Variants in RBMS1 observed in about 807,000 individuals in gnomAD.
RBMS1 encodes RNA binding motif single stranded interacting protein 1.
RBMS1 carries 17 observed loss-of-function variants against 62.3 expected under a neutral mutation model. That is an observed-to-expected ratio of 0.27 (90% CI 0.19 to 0.41). RBMS1 has a LOEUF of 0.41. Among genes scored for constraint, RBMS1 ranks in the 10% least tolerant of loss-of-function variants. The pLI is 1.00. For synonymous variants in RBMS1, 172 were observed against 170.0 expected (o/e 1.01, Z -0.09); for missense variants, 334 against 504.5 (o/e 0.66, Z 3.24).
intron 1 of RBMS1, chr2:160,407,926 G>C (rs1217016080): frequency 1.0e-6 from 1 of 980,108 alleles, no homozygotes; most frequent in Non-Finnish European, 1.2e-6. Flanking sequence ...GCCGGGGGCG[G>C]GGAGGCGGCA....
chr2:160,412,616 A>G (rs1696078416), intron 1 of RBMS1, among the ~76,000 whole-genome samples: 1 of 152,248 alleles, frequency 6.6e-6, no homozygotes, highest in Non-Finnish European at 1.5e-5. Context: ...GCTGTACACT[A>G]ATAATGCAAG....
rs111811786 is a variant in RBMS1 at position 160,313,299 on chromosome 2, A to G, written c.311-52T>C. 11 of 1,515,228 alleles carry G rather than the reference A, an allele frequency of 7.3e-6. No individual in the cohort carries two copies. The African/African-American group carries it at 1.1e-4, about 16-fold the overall frequency. 93.9% of individuals were successfully genotyped at this position (1,515,228 alleles called of 1,614,324 possible). ...TTAAGCCATTATTCTGTGGTTAGGTAAAAGGGTAAAAGAACAGCTCTACTT... is the reference window on the plus strand; with the variant it reads ...TTAAGCCATTATTCTGTGGTTAGGTGAAAGGGTAAAAGAACAGCTCTACTT... On this transcript the variant is annotated intron_variant, in intron 3 of 13. Coordinates refer to ENST00000348849, the MANE Select transcript of RBMS1 (RefSeq NM_016836.4).
chr2:160,363,676 C>T (rs1203894855), intron 2 of RBMS1, among the ~76,000 whole-genome samples: 1 of 152,048 alleles, frequency 6.6e-6, no homozygotes, highest in African/African-American at 2.4e-5. Context: ...CCTAAAGCTT[C>T]ATGTTTAAGA....
At chr2:160,345,998 C>T (rs143281680) in intron 2 of RBMS1, among the ~76,000 whole-genome samples, 104 of 152,164 alleles carry the variant, frequency 6.8e-4, no homozygotes, top group Middle Eastern at 3.4e-3. Context: ...TCCCAGAACC[C>T]GGCATAGTAG....
chr2:160,317,443 C>T (rs1302066424), intron 3 of RBMS1, among the ~76,000 whole-genome samples: 2 of 152,086 alleles, frequency 1.3e-5, no homozygotes, highest in Non-Finnish European at 2.9e-5. Flanking sequence ...AATCACATGC[C>T]TATTGTTAAG....
intron 1 of RBMS1, among the ~76,000 whole-genome samples, chr2:160,415,697 G>A (rs1332623092): frequency 6.6e-6 from 1 of 152,166 alleles, no homozygotes; most frequent in East Asian, 1.9e-4. Context: ...TAGGGAGAGG[G>A]TGCATAACCA....
rs556105888 is a variant in RBMS1 at position 160,357,236 on chromosome 2, G to A, written c.251+9980C>T. ...GGTGATTTTTAAAAAAATTCTTATG[G>A]TTATGATAATTATTTCCAGTGCCGG... On this transcript the variant is annotated intron_variant, in intron 2 of 13. Coordinates refer to ENST00000348849, the MANE Select transcript of RBMS1 (RefSeq NM_016836.4). Among the ~76,000 whole-genome samples, 5 of 152,080 alleles carry A rather than the reference G, an allele frequency of 3.3e-5. No individual in the cohort carries two copies. In the East Asian group the frequency reaches 7.7e-4, roughly 24 times the overall value.
chr2:160,419,446 G>C (rs1475077131), intron 1 of RBMS1, among the ~76,000 whole-genome samples: 3 of 152,088 alleles, frequency 2.0e-5, no homozygotes, highest in Non-Finnish European at 4.4e-5. Flanking sequence ...TTAGTCCCAT[G>C]TCTACTCCTA....
chr2:160,480,494 T>G (rs929127201), intron 1 of RBMS1, among the ~76,000 whole-genome samples: 1 of 152,180 alleles, frequency 6.6e-6, no homozygotes, highest in Non-Finnish European at 1.5e-5. Context: ...TTGGATGTAT[T>G]TAAGAAACAA....
intron 2 of RBMS1, among the ~76,000 whole-genome samples, chr2:160,344,786 T>C (rs1692084896): frequency 6.6e-6 from 1 of 152,126 alleles, no homozygotes; most frequent in Non-Finnish European, 1.5e-5. Context: ...GCTCTGCTGG[T>C]TGGGCTTCAT....
chr2:160,321,265 C>T (rs1405268509), intron 2 of RBMS1, among the ~76,000 whole-genome samples: 1 of 151,570 alleles, frequency 6.6e-6, no homozygotes, highest in Non-Finnish European at 1.5e-5. Flanking sequence ...GTGCACCTCC[C>T]TTCTCTGTGG....
At chr2:160,310,299 C>T (rs183615653) in intron 4 of RBMS1, among the ~76,000 whole-genome samples, 13 of 152,286 alleles carry the variant, frequency 8.5e-5, no homozygotes, top group African/African-American at 2.4e-4. Flanking sequence ...CCAAATAATA[C>T]GGTTGTCAGC....
In RBMS1 at chr2:160,417,921, G is replaced by C. The variant is rs79969150; in HGVS notation, c.76-50530C>G. Among the ~76,000 whole-genome samples, 702 of 152,188 alleles carry C rather than the reference G, an allele frequency of 4.6e-3. 12 individuals are homozygous for C. The East Asian group carries it at 0.073, about 16-fold the overall frequency. ...CTGACAGTGTGTCTTACAAGTAGTG[G>C]GCACAGTCTGCACGCATCAGAATGA... On this transcript the variant is annotated intron_variant, in intron 1 of 13. Coordinates refer to ENST00000348849, the MANE Select transcript of RBMS1 (RefSeq NM_016836.4).
At chr2:160,334,342 A>C (rs1691449341) in intron 2 of RBMS1, among the ~76,000 whole-genome samples, 2 of 152,220 alleles carry the variant, frequency 1.3e-5, no homozygotes, top group Admixed American at 6.5e-5. Flanking sequence ...GAGAGCTATG[A>C]CAAGTACTTG....
chr2:160,374,658 G>A (rs761530135), intron 1 of RBMS1, among the ~76,000 whole-genome samples: 17 of 152,254 alleles, frequency 1.1e-4, no homozygotes, highest in African/African-American at 1.7e-4. Flanking sequence ...GGCTGGGCAC[G>A]GTGGCTCATG....
chr2:160,449,429 G>A (rs992377767), intron 1 of RBMS1, among the ~76,000 whole-genome samples: 2 of 152,258 alleles, frequency 1.3e-5, no homozygotes, highest in African/African-American at 4.8e-5. Flanking sequence ...GATTGTTACT[G>A]TGTCTGTGTA....
intron 1 of RBMS1, among the ~76,000 whole-genome samples, chr2:160,437,111 A>G (rs1246095600): frequency 6.6e-6 from 1 of 152,184 alleles, no homozygotes; most frequent in Non-Finnish European, 1.5e-5. Context: ...GCGATGTTAA[A>G]GGAAAAAAAG....
intron 1 of RBMS1, among the ~76,000 whole-genome samples, chr2:160,427,771 T>A (rs1308834548): frequency 1.3e-5 from 2 of 152,170 alleles, no homozygotes; most frequent in African/African-American, 4.8e-5. Flanking sequence ...CATAATCACA[T>A]AGTACACTCA....
At chr2:160,388,415 G>A (rs1229815544) in intron 1 of RBMS1, among the ~76,000 whole-genome samples, 1 of 152,160 alleles carries the variant, frequency 6.6e-6, no homozygotes, top group African/African-American at 2.4e-5. Flanking sequence ...TCTGATGCAG[G>A]TGGTACGGTG....
Sources: allele counts gnomAD v4.1 joint callset (sites outside exome capture counted in the v4.1 genomes callset), GRCh38; gene constraint gnomAD v4.1.1; transcripts MANE v1.5; gene names NCBI Gene and HGNC (gene_info 2026-07-23, HGNC 2026-07-21).